PCDHGB1: variants seen among roughly 807,000 people sequenced by gnomAD.
PCDHGB1 encodes the protein protocadherin gamma-B1.
PCDHGB1 carries 34 observed loss-of-function variants against 56.6 expected under a neutral mutation model. The observed-to-expected ratio is 0.60, with a 90% CI of 0.46 to 0.80. The LOEUF (loss-of-function observed/expected upper bound fraction) is 0.80. Among genes scored for constraint, PCDHGB1 ranks in the 30% least tolerant of loss-of-function variants. The pLI is 0.00. For missense variants in PCDHGB1, 1,278 were observed against 1,204.6 expected (o/e 1.06, Z -0.90); for synonymous variants, 561 against 505.9 (o/e 1.11, Z -1.46).
chr5:141,487,006 G>A lies in PCDHGB1; in HGVS notation c.2410-7801G>A. ...ATGCTTGGGTTTCCTATCAGCTCCT[G>A]GAGGCCCCAGATCCCAGCCTGTTTG... On this transcript the variant is annotated intron_variant, in intron 1 of 3. Transcript: ENST00000523390. This position sits in a 1 kb window ranked among gnomAD's most constrained non-coding sequence, Gnocchi z 5.0. 1 of 1,614,206 alleles carries A rather than the reference G, an allele frequency of 6.2e-7. No homozygotes were observed. The highest frequency in any genetic ancestry group is 8.5e-7 in the Non-Finnish European group (1 of 1,180,042).
chr5:141,383,971 G>GAA, intron 1 of PCDHGB1: 1 of 1,613,662 alleles, frequency 6.2e-7, no homozygotes, highest in African/African-American at 1.3e-5. Context: ...CTCAATCCCT[G>GAA]AAGACACACC....
intron 1 of PCDHGB1, among the ~76,000 whole-genome samples, chr5:141,472,992 A>G (rs2099309983): frequency 6.6e-6 from 1 of 151,994 alleles, no homozygotes; most frequent in South Asian, 2.1e-4. Context: ...AAAAAAAAAA[A>G]AAAAAGAAAG....
At chr5:141,373,954 T>C (rs1439763136) in intron 1 of PCDHGB1, 3 of 850,698 alleles carry the variant, frequency 3.5e-6, no homozygotes, top group East Asian at 5.9e-5. Context: ...GCAGAAATTC[T>C]GACCTGAAAC....
chr5:141,410,341 G>A (rs759674499), intron 1 of PCDHGB1: 1 of 1,613,992 alleles, frequency 6.2e-7, no homozygotes, highest in Non-Finnish European at 8.5e-7. Context: ...CCATTGCCTT[G>A]CGCCTGCGAC....
intron 1 of PCDHGB1, among the ~76,000 whole-genome samples, chr5:141,459,664 T>A (rs766213146): frequency 1.3e-5 from 2 of 152,262 alleles, no homozygotes; most frequent in Non-Finnish European, 2.9e-5. Flanking sequence ...TCACTTTACA[T>A]TTTCATGAGC....
At chr5:141,389,813 C>T (rs575968401) in intron 1 of PCDHGB1, 18 of 1,613,844 alleles carry the variant, frequency 1.1e-5, no homozygotes, top group South Asian at 2.2e-5. Flanking sequence ...TTCTGGTCGC[C>T]GTGCGTGACG....
intron 1 of PCDHGB1, chr5:141,404,152 T>C (rs769503668): frequency 1.9e-5 from 31 of 1,612,848 alleles, no homozygotes; most frequent in Non-Finnish European, 2.0e-5. Flanking sequence ...CAGAAGAAGA[T>C]TATTACAGAT....
At chr5:141,450,829 A>ATT (rs373424450) in intron 1 of PCDHGB1, among the ~76,000 whole-genome samples, 8,685 of 135,030 alleles carry the variant, frequency 0.064, 328 homozygotes, top group South Asian at 0.088. Context: ...TATTATTATT[A>ATT]TTTTTTTTTT....
chr5:141,471,444 A>T (rs1366430114), intron 1 of PCDHGB1: 1 of 152,150 alleles, frequency 6.6e-6, no homozygotes, highest in Non-Finnish European at 1.5e-5. Flanking sequence ...AATCTCATGT[A>T]CCTTTTGAAA....
chr5:141,372,633 A>C, intron 1 of PCDHGB1: 1 of 1,613,996 alleles, frequency 6.2e-7, no homozygotes, highest in Middle Eastern at 1.6e-4. Flanking sequence ...CAGCGAAAGG[A>C]CTTTGCCTTA....
intron 1 of PCDHGB1, among the ~76,000 whole-genome samples, chr5:141,359,857 A>AAAAAG (rs1258075197): frequency 2.0e-5 from 3 of 152,212 alleles, no homozygotes; most frequent in South Asian, 2.1e-4. Context: ...TTATAAATTA[A>AAAAAG]AAAAGAAAAG....
chr5:141,361,812 G>C, intron 1 of PCDHGB1: 1 of 1,613,072 alleles, frequency 6.2e-7, no homozygotes, highest in Non-Finnish European at 8.5e-7. Context: ...ATGACAATGC[G>C]CCACGGGTGC....
At chr5:141,442,005 C>G (rs1037210381) in intron 1 of PCDHGB1, 1 of 229,014 alleles carries the variant, frequency 4.4e-6, no homozygotes. Flanking sequence ...GCTGACAGCT[C>G]GCACGATGGG....
intron 1 of PCDHGB1, chr5:141,400,723 C>A (rs1317017521): frequency 6.1e-6 from 4 of 660,798 alleles, no homozygotes; most frequent in Non-Finnish European, 7.7e-6. Flanking sequence ...TATAGATTTA[C>A]AAAGTAGTGA....
intron 1 of PCDHGB1, chr5:141,356,910 T>G: frequency 6.2e-7 from 1 of 1,614,140 alleles, no homozygotes; most frequent in Admixed American, 1.7e-5. Flanking sequence ...TCCCTACTGA[T>G]GGCTCCACTG....
chr5:141,407,704 T>C (rs977444941), intron 1 of PCDHGB1, among the ~76,000 whole-genome samples: 5 of 152,144 alleles, frequency 3.3e-5, no homozygotes, highest in Admixed American at 1.3e-4. Context: ...TTGTTGAAGG[T>C]GGGGTGATGG....
chr5:141,357,778 A>T, intron 1 of PCDHGB1: 3 of 896,478 alleles, frequency 3.3e-6, no homozygotes, highest in Non-Finnish European at 5.0e-6. Context: ...AATAATGATC[A>T]ACAGTATTTA....
At chr5:141,383,416 A>G in intron 1 of PCDHGB1, 1 of 1,613,856 alleles carries the variant, frequency 6.2e-7, no homozygotes, top group Non-Finnish European at 8.5e-7. Flanking sequence ...TTACCAGCTC[A>G]GCCCCAATCG....
chr5:141,428,395 G>A, intron 1 of PCDHGB1: 1 of 488,280 alleles, frequency 2.0e-6, no homozygotes, highest in Non-Finnish European at 3.8e-6. Flanking sequence ...CAGCCCCTCT[G>A]CCTGGGGTTG....
Sources: gnomAD v4.1 joint callset for allele counts (sites outside exome capture counted in the v4.1 genomes callset) on GRCh38, gnomAD v4.1.1 for gene constraint, Gnocchi (gnomAD v3.1) non-coding constraint, MANE v1.5 for transcripts, NCBI Gene and HGNC (gene_info 2026-07-23, HGNC 2026-07-21) for gene names.